Variants in NCOA1 observed in about 807,000 individuals in gnomAD.
NCOA1 encodes the protein Hin-2 protein.
Under a neutral mutation model 150.9 loss-of-function variants are expected in NCOA1, and 35 were observed. The observed-to-expected ratio is 0.23, with a 90% CI of 0.18 to 0.31. NCOA1 has a LOEUF of 0.31. Among genes scored for constraint, NCOA1 ranks in the 10% least tolerant of loss-of-function variants. NCOA1 has a pLI of 1.00. For synonymous variants in NCOA1, 590 were observed against 630.0 expected (o/e 0.94, Z 0.95); for missense variants, 1,491 against 1,749.3 (o/e 0.85, Z 2.63).
Position 24,536,242 on chromosome 2 carries a change from C to T in NCOA1, c.-395-28053C>T, listed in dbSNP as rs181117786. Among the ~76,000 whole-genome samples, 27 of 152,200 alleles carry T rather than the reference C, an allele frequency of 1.8e-4. No homozygotes were observed. The South Asian group carries it at 2.5e-3, about 14-fold the overall frequency. ...TATCCTTTTTTCCACTTGATTGAAT[C>T]GGTTATTGAAGCTTCTGCATGCGTC... is the stretch of plus-strand genomic sequence containing the variant. On this transcript the variant is annotated intron_variant, in intron 1 of 22. Transcript: ENST00000348332.
At chr2:24,579,262 G>A (rs550679815) in intron 2 of NCOA1, among the ~76,000 whole-genome samples, 1 of 152,266 alleles carries the variant, frequency 6.6e-6, no homozygotes, top group East Asian at 1.9e-4. Context: ...GCTACTCCAG[G>A]AAGAGGGATT....
intron 1 of NCOA1, among the ~76,000 whole-genome samples, chr2:24,527,145 C>T (rs1417500996): frequency 1.3e-5 from 2 of 152,174 alleles, no homozygotes; most frequent in African/African-American, 4.8e-5. Flanking sequence ...CATCATCTCA[C>T]TGTTAACCAC....
chr2:24,690,651 C>CAAAAAAAAAAA lies in NCOA1; in HGVS notation c.533-813_533-803dup, dbSNP rs70947837. On this transcript the variant is annotated intron_variant, in intron 8 of 22. Coordinates refer to ENST00000348332, the MANE Select transcript of NCOA1 (RefSeq NM_003743.5). The stretch of plus-strand genomic sequence containing the variant: ...TGGGTGACAAAGTGAGATTCCATCT[C>CAAAAAAAAAAA]AAAAAAAAAAAAAAAAAAAAAAAAA... Among the ~76,000 whole-genome samples the CAAAAAAAAAAA allele has an allele frequency of 1.2e-3, 47 of 38,444 alleles. 3 individuals are homozygous for CAAAAAAAAAAA. Among genetic ancestry groups the CAAAAAAAAAAA allele is most frequent in the Middle Eastern group, 0.038 (1 of 26 alleles). The allele number at this position is 38,444 out of a possible 152,430, so 25.2% of individuals were successfully genotyped here.
At chr2:24,525,905 A>C (rs187639777) in intron 1 of NCOA1, among the ~76,000 whole-genome samples, 1 of 151,886 alleles carries the variant, frequency 6.6e-6, no homozygotes, top group Admixed American at 6.6e-5. Context: ...TTCTCTTCTT[A>C]TTGCTCCTAG....
At chr2:24,719,028 CAAAAAAAAAAAAAA>C (rs59556004) in intron 14 of NCOA1, among the ~76,000 whole-genome samples, 6 of 34,458 alleles carry the variant, frequency 1.7e-4, no homozygotes, top group Non-Finnish European at 3.0e-4. Flanking sequence ...GACTCTGTCC[CAAAAAAAAAAAAAA>C]AAAAAAAAAA....
At chr2:24,503,677 G>A (rs141390252) in intron 1 of NCOA1, among the ~76,000 whole-genome samples, 29 of 149,956 alleles carry the variant, frequency 1.9e-4, no homozygotes, top group Non-Finnish European at 1.3e-4. Flanking sequence ...ATGGAAACTT[G>A]TCTAGCACTT....
intron 4 of NCOA1, among the ~76,000 whole-genome samples, chr2:24,654,542 T>C (rs942828658): frequency 6.6e-6 from 1 of 152,138 alleles, no homozygotes; most frequent in Admixed American, 6.5e-5. Context: ...ATGAGAAAGA[T>C]TGTGGACATT....
chr2:24,751,456 G>A (rs562899895), intron 19 of NCOA1, among the ~76,000 whole-genome samples: 3 of 151,648 alleles, frequency 2.0e-5, no homozygotes, highest in East Asian at 2.0e-4. Context: ...AGTGGCAGGC[G>A]CCTGTAATCC....
At chr2:24,531,161 A>G (rs1208450738) in intron 1 of NCOA1, among the ~76,000 whole-genome samples, 1 of 152,242 alleles carries the variant, frequency 6.6e-6, no homozygotes, top group Non-Finnish European at 1.5e-5. Flanking sequence ...TAGTGCAGCC[A>G]TTATGTAAAA....
At chr2:24,508,675 C>G (rs1377175256) in intron 1 of NCOA1, among the ~76,000 whole-genome samples, 3 of 151,960 alleles carry the variant, frequency 2.0e-5, no homozygotes, top group Admixed American at 2.0e-4. Flanking sequence ...TGTGGTTGTC[C>G]TGTAGAATTT....
intron 2 of NCOA1, among the ~76,000 whole-genome samples, chr2:24,568,812 C>CA (rs1666614796): frequency 2.0e-5 from 3 of 152,286 alleles, no homozygotes; most frequent in Admixed American, 2.0e-4. Flanking sequence ...GTCATGTACC[C>CA]ATGCCAGTAT....
intron 1 of NCOA1, among the ~76,000 whole-genome samples, chr2:24,557,630 G>A (rs1666125966): frequency 6.6e-6 from 1 of 151,222 alleles, no homozygotes; most frequent in South Asian, 2.1e-4. Flanking sequence ...AATATATTTT[G>A]TGTCTGCAGG....
intron 11 of NCOA1, among the ~76,000 whole-genome samples, chr2:24,702,396 G>A (rs531202121): frequency 2.0e-5 from 3 of 152,196 alleles, no homozygotes; most frequent in South Asian, 2.1e-4. Flanking sequence ...TACCGGCATT[G>A]ACCCATAGTA....
chr2:24,499,558 T>C (rs908936701), intron 1 of NCOA1, among the ~76,000 whole-genome samples: 1 of 152,242 alleles, frequency 6.6e-6, no homozygotes, highest in African/African-American at 2.4e-5. Flanking sequence ...AAGTATTCTT[T>C]TAAACAGTGT....
At chr2:24,730,006 C>T (rs1047608864) in intron 17 of NCOA1, among the ~76,000 whole-genome samples, 191 bp downstream of exon 17, 3 of 152,078 alleles carry the variant, frequency 2.0e-5, no homozygotes, top group Non-Finnish European at 4.4e-5. Flanking sequence ...CCACCACTCC[C>T]AGGTAATTTT....
chr2:24,571,867 TA>T (rs780113216), intron 2 of NCOA1, among the ~76,000 whole-genome samples: 1 of 152,198 alleles, frequency 6.6e-6, no homozygotes, highest in East Asian at 1.9e-4. Context: ...TATTTTTTAT[TA>T]TATTTCTCTC....
chr2:24,606,806 C>T (rs986651030), intron 3 of NCOA1, among the ~76,000 whole-genome samples: 1 of 152,114 alleles, frequency 6.6e-6, no homozygotes, highest in East Asian at 1.9e-4. Context: ...TATTTATGTC[C>T]TTATAACTTA....
At chr2:24,525,885 C>T (rs1247684235) in intron 1 of NCOA1, among the ~76,000 whole-genome samples, 3 of 152,086 alleles carry the variant, frequency 2.0e-5, no homozygotes, top group Non-Finnish European at 4.4e-5. Context: ...CTTAGGTCTG[C>T]TTCCTTATGT....
At chr2:24,757,791 T>C (rs974178447) in intron 20 of NCOA1, among the ~76,000 whole-genome samples, 182 bp from the exon 21 acceptor site, 3 of 152,206 alleles carry the variant, frequency 2.0e-5, no homozygotes, top group Non-Finnish European at 4.4e-5. Context: ...TTTTCAGTTA[T>C]TTAATCCCTT....
Sources: allele counts gnomAD v4.1 joint callset (sites outside exome capture counted in the v4.1 genomes callset), GRCh38; gene constraint gnomAD v4.1.1; transcripts MANE v1.5; gene names NCBI Gene and HGNC (gene_info 2026-07-23, HGNC 2026-07-21).